Variants in SACM1L observed in about 807,000 individuals in gnomAD.
SACM1L encodes SAC1 like phosphatidylinositide phosphatase.
Under a neutral mutation model 89.5 loss-of-function variants are expected in SACM1L, and 32 were observed. The observed-to-expected ratio is 0.36, with a 90% CI of 0.27 to 0.48. The LOEUF (loss-of-function observed/expected upper bound fraction) is 0.48. Ranked by LOEUF, SACM1L falls within the 20% of genes least tolerant of loss-of-function variation. The pLI is 0.99. For missense variants in SACM1L, 543 were observed against 708.5 expected, an observed-to-expected ratio of 0.77 and a Z score of 2.65; for synonymous variants, 213 against 232.8, an observed-to-expected ratio of 0.92 and a Z score of 0.77.
At chr3:45,743,262 C>T (rs28401433) in intron 19 of SACM1L, among the ~76,000 whole-genome samples, 3,786 of 152,214 alleles carry the variant, frequency 0.025, 171 homozygotes, top group African/African-American at 0.085. Context: ...GCCTCTTGAT[C>T]GGTAGCATCA....
intron 1 of SACM1L, among the ~76,000 whole-genome samples, chr3:45,695,383 C>T (rs1339405305): frequency 6.6e-6 from 1 of 152,028 alleles, no homozygotes; most frequent in Non-Finnish European, 1.5e-5. Flanking sequence ...GCCTCAGCCT[C>T]CCTTGTAGCT....
chr3:45,743,391 A>T, intron 19 of SACM1L, 142 bp from the exon 20 acceptor site: 2 of 835,060 alleles, frequency 2.4e-6, no homozygotes, highest in Non-Finnish European at 3.7e-6. Context: ...CCACTGGTTT[A>T]AACCTTAATT....
At chr3:45,731,698 A>G (rs536735797) in intron 12 of SACM1L, among the ~76,000 whole-genome samples, 1 of 152,278 alleles carries the variant, frequency 6.6e-6, no homozygotes, top group East Asian at 1.9e-4. Context: ...TTTGCAGTGC[A>G]TACCTGATTG....
intron 13 of SACM1L, among the ~76,000 whole-genome samples, chr3:45,732,730 C>T (rs1259385486): frequency 6.6e-6 from 1 of 152,078 alleles, no homozygotes; most frequent in Non-Finnish European, 1.5e-5. Context: ...AATGTCTTTG[C>T]AGTACTATAT....
chr3:45,739,533 G>T, intron 18 of SACM1L, 54 bp from the exon 19 acceptor site: 1 of 1,514,330 alleles, frequency 6.6e-7, no homozygotes, highest in Non-Finnish European at 9.2e-7. Flanking sequence ...AACTGATTTT[G>T]CTGCCATTGA....
In SACM1L at chr3:45,732,219, C is replaced by T. The variant is rs775482160; in HGVS notation, c.1100+68C>T. 1.3e-4 allele frequency: 105 copies of T among 830,112 alleles called. 1 individual carries two copies. Among genetic ancestry groups the T allele is most frequent in the Middle Eastern group, 2.4e-4 (1 of 4,204 alleles). The allele number at this position is 830,112 out of a possible 1,614,324, so 51.4% of individuals were successfully genotyped here. On this transcript the variant is annotated intron_variant, in intron 13 of 19. Coordinates refer to ENST00000389061, the MANE Select transcript of SACM1L (RefSeq NM_014016.5). ...TATATATCAGTCATATTTTATTATG[C>T]GTCATCCAGCAGACTTACAAGTACA...
At chr3:45,721,584 A>G (rs1241575579) in intron 8 of SACM1L, among the ~76,000 whole-genome samples, 1 of 152,222 alleles carries the variant, frequency 6.6e-6, no homozygotes, top group East Asian at 1.9e-4. Flanking sequence ...GTTGTTACTA[A>G]GTATAATTAC....
intron 1 of SACM1L, chr3:45,690,442 A>G (rs1039125918): frequency 6.6e-6 from 1 of 152,234 alleles, no homozygotes; most frequent in African/African-American, 2.4e-5. Context: ...TATATGAGCT[A>G]AAATACCTTG....
At chr3:45,707,206 T>A (rs1313039300) in intron 4 of SACM1L, 2 of 220,312 alleles carry the variant, frequency 9.1e-6, no homozygotes, top group Non-Finnish European at 1.8e-5. Flanking sequence ...ATCCTCTTTG[T>A]AAAGAAATAA....
intron 3 of SACM1L, 86 bp from the exon 4 acceptor site, chr3:45,706,694 C>T: frequency 1.7e-6 from 2 of 1,177,692 alleles, no homozygotes; most frequent in Non-Finnish European, 2.4e-6. Context: ...TTCTACTAGC[C>T]TTTAAAGTTA....
intron 7 of SACM1L, among the ~76,000 whole-genome samples, chr3:45,717,060 T>C (rs535882615): frequency 2.6e-5 from 4 of 152,316 alleles, no homozygotes; most frequent in South Asian, 2.1e-4. Flanking sequence ...GGAGCAAATA[T>C]TACATTGGAG....
chr3:45,716,451 A>G (rs1293208521), intron 7 of SACM1L, among the ~76,000 whole-genome samples: 1 of 152,194 alleles, frequency 6.6e-6, no homozygotes, highest in Non-Finnish European at 1.5e-5. Context: ...CCTGGGTGAC[A>G]GCGCAAGACC....
chr3:45,740,269 GT>G (rs1699287083), intron 19 of SACM1L, among the ~76,000 whole-genome samples: 1 of 152,160 alleles, frequency 6.6e-6, no homozygotes. Context: ...ATCTGCATTT[GT>G]TTTGGGGTGG....
chr3:45,722,073 T>C lies in SACM1L; in HGVS notation c.753T>C (p.Ala251=). The C allele has an allele frequency of 6.2e-7, 1 of 1,610,298 alleles. No homozygotes were observed. The highest frequency in any genetic ancestry group is 8.5e-7 in the Non-Finnish European group (1 of 1,177,622). The change falls in exon 9 of 20, where the codon GCT becomes GCC. Residue 251 remains alanine, a synonymous_variant. Transcript: ENST00000389061. The stretch of plus-strand genomic sequence containing the variant: ...TTGTGCACTACAATGGGAGCAAAGC[T>C]TCGTTTGTACAGGCAAGTTGTTATG... ...EQIVHYNGSK[A]SFVQTRGSIP...
intron 7 of SACM1L, among the ~76,000 whole-genome samples, chr3:45,715,790 T>C (rs2742392): frequency 0.4 from 59,713 of 149,112 alleles, 14,143 homozygotes; most frequent in Middle Eastern, 0.54. Flanking sequence ...AAAAAAAAAG[T>C]GTTTATCCTT....
intron 1 of SACM1L, among the ~76,000 whole-genome samples, chr3:45,703,088 G>A (rs1291334535): frequency 6.6e-6 from 1 of 152,162 alleles, no homozygotes; most frequent in Non-Finnish European, 1.5e-5. Flanking sequence ...GAGAGAATGA[G>A]TAACTTGTCT....
chr3:45,704,570 A>G (rs1430009423), intron 2 of SACM1L, among the ~76,000 whole-genome samples: 2 of 152,172 alleles, frequency 1.3e-5, no homozygotes, highest in African/African-American at 2.4e-5. Context: ...AGTTTAAATT[A>G]TACTACTCTT....
chr3:45,697,330 G>A (rs1698157020), intron 1 of SACM1L, among the ~76,000 whole-genome samples: 1 of 134,334 alleles, frequency 7.4e-6, no homozygotes. Flanking sequence ...AGGCTGGAGT[G>A]TAGTGGTGCG....
chr3:45,742,777 T>TCA (rs1699343339), intron 19 of SACM1L: 1 of 152,226 alleles, frequency 6.6e-6, no homozygotes, highest in African/African-American at 2.4e-5. Flanking sequence ...GTTATGCTGA[T>TCA]CGGATGTCCG....
Sources: gnomAD v4.1 joint callset for allele counts (sites outside exome capture counted in the v4.1 genomes callset) on GRCh38, gnomAD v4.1.1 for gene constraint, MANE v1.5 for transcripts, NCBI Gene and HGNC (gene_info 2026-07-23, HGNC 2026-07-21) for gene names.